IL7: variants seen among roughly 807,000 people sequenced by gnomAD.
The protein encoded by IL7 is interleukin-7.
In IL7, 3 loss-of-function variants were observed where a neutral mutation model predicts 21.6. The ratio of observed to expected loss-of-function variants is 0.14; its 90% CI spans 0.06 to 0.36. The LOEUF (loss-of-function observed/expected upper bound fraction) is 0.36, where lower values mean the gene tolerates loss of function less well. Ranked by LOEUF, IL7 falls within the 10% of genes least tolerant of loss-of-function variation. The pLI is 1.00. For synonymous variants in IL7, 62 were observed against 68.1 expected (o/e 0.91, Z 0.44); for missense variants, 175 against 200.2 (o/e 0.87, Z 0.76).
At chr8:78,687,636 A>ATATATATCTTTACGTAATACAT (rs1563626734) in intron 3 of IL7, among the ~76,000 whole-genome samples, 1 of 129,986 alleles carries the variant, frequency 7.7e-6, no homozygotes, top group East Asian at 2.2e-4. Context: ...GTAATACATT[A>ATATATATCTTTACGTAATACAT]TATATATATT....
chr8:78,694,415 G>A (rs1810330350), intron 3 of IL7, among the ~76,000 whole-genome samples: 1 of 151,824 alleles, frequency 6.6e-6, no homozygotes, highest in African/African-American at 2.4e-5. Context: ...GAAGATGTGT[G>A]CTGTGCTTAT....
At chr8:78,781,971 A>T (rs1308152955) in intron 2 of IL7, among the ~76,000 whole-genome samples, 1 of 151,970 alleles carries the variant, frequency 6.6e-6, no homozygotes, top group Non-Finnish European at 1.5e-5. Flanking sequence ...GATAGTCCTC[A>T]AGTTCTGAAG....
intron 2 of IL7, among the ~76,000 whole-genome samples, chr8:78,775,789 CTGGGGGGGCG>C (rs1813113829): frequency 6.6e-6 from 1 of 151,962 alleles, no homozygotes; most frequent in South Asian, 2.1e-4. Context: ...CATAAGGTAA[CTGGGGGGGCG>C]CTTAGAAGTA....
At chr8:78,793,129 G>T (rs548798715) in intron 2 of IL7, among the ~76,000 whole-genome samples, 2 of 152,168 alleles carry the variant, frequency 1.3e-5, no homozygotes, top group African/African-American at 4.8e-5. Context: ...AATACAAAAA[G>T]CTGCATATCA....
exon 7 of IL7, chr8:78,717,920 A>G (rs1811156719): frequency 6.4e-6 from 1 of 155,084 alleles, no homozygotes; most frequent in Admixed American, 6.3e-5. Flanking sequence ...ATCTTCAGAT[A>G]GTATCATAGT....
chr8:78,729,483 C>T (rs1377918184), downstream of IL7, among the ~76,000 whole-genome samples: 3 of 151,954 alleles, frequency 2.0e-5, no homozygotes, highest in East Asian at 1.9e-4. Context: ...TAATTTACCC[C>T]GAGTGAAAGT....
intron 3 of IL7, among the ~76,000 whole-genome samples, chr8:78,689,886 A>G: frequency 6.6e-6 from 1 of 152,138 alleles, no homozygotes; most frequent in East Asian, 1.9e-4. Flanking sequence ...TGCCTATACT[A>G]GGATTGCAAA....
chr8:78,772,593 T>C (rs1226351326), intron 2 of IL7, among the ~76,000 whole-genome samples: 1 of 152,116 alleles, frequency 6.6e-6, no homozygotes, highest in African/African-American at 2.4e-5. Context: ...AAACTGCGAC[T>C]TTAAGTAAAC....
chr8:78,702,286 T>A (rs1343023048), intron 3 of IL7, among the ~76,000 whole-genome samples: 1 of 152,142 alleles, frequency 6.6e-6, no homozygotes, highest in Non-Finnish European at 1.5e-5. Flanking sequence ...CTGTGATGAC[T>A]TGTATTTCTA....
chr8:78,712,050 CAG>C (rs1810967862), intron 3 of IL7: 1 of 1,289,668 alleles, frequency 7.8e-7, no homozygotes, highest in African/African-American at 1.5e-5. Context: ...GGTTGTATGA[CAG>C]TGATACAAAA....
At chr8:78,701,276 T>C (rs897762037) in intron 3 of IL7, among the ~76,000 whole-genome samples, 1 of 152,244 alleles carries the variant, frequency 6.6e-6, no homozygotes, top group African/African-American at 2.4e-5. Flanking sequence ...AGTTTGTTCC[T>C]GATTTGGCTC....
At chr8:78,716,871 C>T (rs1361054548), downstream of IL7, among the ~76,000 whole-genome samples, 1 of 152,080 alleles carries the variant, frequency 6.6e-6, no homozygotes, top group Non-Finnish European at 1.5e-5. Context: ...TTGTTTAAAA[C>T]TGTATAGTAC....
At chr8:78,800,931 T>C (rs1814036093) in intron 1 of IL7, among the ~76,000 whole-genome samples, 1 of 152,232 alleles carries the variant, frequency 6.6e-6, no homozygotes, top group African/African-American at 2.4e-5. Context: ...TTTTACTTGC[T>C]ATGAGCATTA....
intron 6 of IL7, chr8:78,718,241 ATT>A (rs766081589): frequency 6.6e-6 from 1 of 151,810 alleles, no homozygotes; most frequent in Non-Finnish European, 1.5e-5. Context: ...GTTTTTCCAG[ATT>A]TCACTTTTCC....
chr8:78,733,975 T>C (rs766432882), intron 5 of IL7, 143 bp from the exon 6 acceptor site: 5 of 574,338 alleles, frequency 8.7e-6, no homozygotes, highest in Non-Finnish European at 1.0e-5. Flanking sequence ...TTAAAGACGA[T>C]GATTTCTAAC....
chr8:78,743,018 A>G (rs565715603), intron 2 of IL7, among the ~76,000 whole-genome samples: 4 of 152,172 alleles, frequency 2.6e-5, no homozygotes, highest in African/African-American at 4.8e-5. Flanking sequence ...GCTAAGGATA[A>G]TGGCCTCCAG....
intron 3 of IL7, among the ~76,000 whole-genome samples, chr8:78,709,849 A>G (rs980075261): frequency 1.2e-4 from 19 of 152,342 alleles, no homozygotes; most frequent in African/African-American, 4.6e-4. Flanking sequence ...TTATAGCATC[A>G]TAACAACAGA....
rs1429272192 is a variant in IL7 at position 78,736,066 on chromosome 8, GTA to G, written c.414+406_414+407del. Among the ~76,000 whole-genome samples, 9 of 150,734 alleles carry G rather than the reference GTA, an allele frequency of 6.0e-5. No homozygotes were observed. The East Asian group carries it at 1.7e-3, about 29-fold the overall frequency. ...TGTACAATCTACACTAATAAAAGAG[GTA>G]TATATAAGATAAGTCCTTATTGTTT... is the stretch of plus-strand genomic sequence containing the variant. On this transcript the variant is annotated intron_variant, in intron 5 of 5. Coordinates refer to ENST00000263851, the MANE Select transcript of IL7 (RefSeq NM_000880.4).
intron 3 of IL7, among the ~76,000 whole-genome samples, chr8:78,701,227 C>G (rs1810592471): frequency 6.6e-6 from 1 of 152,090 alleles, no homozygotes; most frequent in African/African-American, 2.4e-5. Flanking sequence ...TACCTGTATT[C>G]TTAGGTATTT....
Sources: allele counts gnomAD v4.1 joint callset (sites outside exome capture counted in the v4.1 genomes callset), GRCh38; gene constraint gnomAD v4.1.1; transcripts MANE v1.5; gene names NCBI Gene and HGNC (gene_info 2026-07-23, HGNC 2026-07-21).